CTTNBP2NL: variants seen among roughly 807,000 people sequenced by gnomAD.
CTTNBP2NL encodes the protein CTTNBP2 N-terminal like.
Under a neutral mutation model 32.5 loss-of-function variants are expected in CTTNBP2NL, and 16 were observed. The observed-to-expected ratio is 0.49, with a 90% CI of 0.33 to 0.75. CTTNBP2NL has a LOEUF of 0.75. Ranked by LOEUF, CTTNBP2NL falls within the 30% of genes least tolerant of loss-of-function variation. The probability of loss-of-function intolerance (pLI) is 0.02; values close to 1 mark genes in which losing one functional copy is unlikely to be tolerated. For missense variants in CTTNBP2NL, 645 were observed against 756.0 expected, an observed-to-expected ratio of 0.85 and a Z score of 1.72; for synonymous variants, 298 against 289.4, an observed-to-expected ratio of 1.03 and a Z score of -0.30.
At chr1:112,405,713 T>C (rs1316327523) in intron 1 of CTTNBP2NL, among the ~76,000 whole-genome samples, 2 of 152,208 alleles carry the variant, frequency 1.3e-5, no homozygotes, top group African/African-American at 4.8e-5. Flanking sequence ...CATATAAATC[T>C]TGCTGACATC....
intron 3 of CTTNBP2NL, among the ~76,000 whole-genome samples, chr1:112,422,530 T>C (rs1202969384): frequency 6.6e-6 from 1 of 152,218 alleles, no homozygotes; most frequent in East Asian, 1.9e-4. Flanking sequence ...CTATATCATA[T>C]GATAGATGTG....
chr1:112,410,336 G>A (rs1054328045), intron 1 of CTTNBP2NL, among the ~76,000 whole-genome samples: 13 of 150,250 alleles, frequency 8.7e-5, no homozygotes, highest in Non-Finnish European at 2.9e-5. Flanking sequence ...AGGCTGCGGT[G>A]ATCAAGATCG....
chr1:112,404,919 C>T (rs1648615204), intron 1 of CTTNBP2NL, among the ~76,000 whole-genome samples: 1 of 152,096 alleles, frequency 6.6e-6, no homozygotes, highest in Non-Finnish European at 1.5e-5. Context: ...GGCATGGTGG[C>T]ACAAGCCTGT....
At chr1:112,414,501 G>A (rs1649000305) in intron 2 of CTTNBP2NL, among the ~76,000 whole-genome samples, 1 of 152,184 alleles carries the variant, frequency 6.6e-6, no homozygotes, top group East Asian at 1.9e-4. Context: ...TCACTTAAAA[G>A]CAGTAGCTCT....
intron 1 of CTTNBP2NL, among the ~76,000 whole-genome samples, chr1:112,410,323 C>T (rs112263848): frequency 6.6e-6 from 1 of 150,478 alleles, no homozygotes; most frequent in East Asian, 2.0e-4. Context: ...ACCCGGGAGG[C>T]GAAGGCTGCG....
At chr1:112,442,904 T>C (rs1206992112) in intron 3 of CTTNBP2NL, among the ~76,000 whole-genome samples, 1 of 152,120 alleles carries the variant, frequency 6.6e-6, no homozygotes, top group Non-Finnish European at 1.5e-5. Flanking sequence ...TTGGCCAGGC[T>C]GCTCTCGAAC....
chr1:112,426,447 T>A (rs1193372705), intron 3 of CTTNBP2NL, among the ~76,000 whole-genome samples: 1 of 151,950 alleles, frequency 6.6e-6, no homozygotes, highest in Admixed American at 6.6e-5. Flanking sequence ...ATCCCAGAAC[T>A]TTAGGAGGTC....
In CTTNBP2NL at chr1:112,456,190, C is replaced by T; in HGVS notation, c.698C>T (p.Ala233Val). The T allele has an allele frequency of 1.2e-6, 2 of 1,613,972 alleles. No homozygotes were observed. Among genetic ancestry groups the T allele is most frequent in the Non-Finnish European group, 1.7e-6 (2 of 1,180,010 alleles). Residue 233 changes from alanine (A) to valine (V), a missense_variant, in exon 6 of 6, where the codon GCC becomes GTC. Physicochemically the swap from Ala to Val is moderately conservative, Grantham distance 64 (BLOSUM62 0). Transcript: ENST00000271277. ...AERKRGLQTE[A>V]QVEKQLSEFD... ...AGAAAGAGAGGCTTGCAGACTGAGGCCCAGGTAGAGAAGCAGTTATCAGAG... is the reference window on the plus strand; with the variant it reads ...AGAAAGAGAGGCTTGCAGACTGAGGTCCAGGTAGAGAAGCAGTTATCAGAG...
intron 3 of CTTNBP2NL, among the ~76,000 whole-genome samples, chr1:112,416,724 C>A (rs1175626): frequency 3.7e-4 from 56 of 152,148 alleles, no homozygotes; most frequent in African/African-American, 1.3e-3. Flanking sequence ...ATCTCTTGAC[C>A]TGGTGATCCG....
chr1:112,419,866 T>G (rs1649169986), intron 3 of CTTNBP2NL, among the ~76,000 whole-genome samples: 1 of 152,142 alleles, frequency 6.6e-6, no homozygotes, highest in Non-Finnish European at 1.5e-5. Flanking sequence ...TGATCCCATT[T>G]TAATAGATGG....
At chr1:112,417,608 G>A (rs1649103464) in intron 3 of CTTNBP2NL, among the ~76,000 whole-genome samples, 1 of 152,188 alleles carries the variant, frequency 6.6e-6, no homozygotes, top group South Asian at 2.1e-4. Context: ...AGGCACAAGT[G>A]TTGTATTTAG....
At chr1:112,396,812 C>T (rs539895739) in intron 1 of CTTNBP2NL, among the ~76,000 whole-genome samples, 8 of 152,356 alleles carry the variant, frequency 5.3e-5, no homozygotes, top group Admixed American at 4.6e-4. Context: ...TTAAGTTCTT[C>T]CCATCCCCCA....
At chr1:112,420,148 CT>C (rs34995369) in intron 3 of CTTNBP2NL, among the ~76,000 whole-genome samples, 2,818 of 134,166 alleles carry the variant, frequency 0.021, 82 homozygotes, top group African/African-American at 0.068. Context: ...GTTGGAGTGG[CT>C]TTTTTTTTTT....
chr1:112,435,669 C>T (rs183868531), intron 3 of CTTNBP2NL, among the ~76,000 whole-genome samples: 30 of 152,264 alleles, frequency 2.0e-4, no homozygotes, highest in African/African-American at 6.0e-4. Context: ...TGTGTTCGTT[C>T]TTTATTGGTA....
chr1:112,449,753 T>TGTGTGTGTGTGTGTGTGTGTGTGTGTGTG (rs58369949), intron 4 of CTTNBP2NL, among the ~76,000 whole-genome samples: 28 of 25,432 alleles, frequency 1.1e-3, no homozygotes, highest in African/African-American at 1.3e-3. Context: ...TGTGTGTGTG[T>TGTGTGTGTGTGTGTGTGTGTGTGTGTGTG]TTTCCATATT....
chr1:112,432,682 C>T (rs1178282584), intron 3 of CTTNBP2NL, among the ~76,000 whole-genome samples: 1 of 151,628 alleles, frequency 6.6e-6, no homozygotes, highest in Non-Finnish European at 1.5e-5. Flanking sequence ...TCGCTTAGTG[C>T]CCCAGTTTCT....
At chr1:112,428,089 CCA>C (rs1035672894) in intron 3 of CTTNBP2NL, among the ~76,000 whole-genome samples, 7 of 151,332 alleles carry the variant, frequency 4.6e-5, no homozygotes, top group Admixed American at 2.0e-4. Context: ...ATATATGTAT[CCA>C]CACACACACA....
At chr1:112,419,334 G>A (rs749527930) in intron 3 of CTTNBP2NL, among the ~76,000 whole-genome samples, 2 of 152,078 alleles carry the variant, frequency 1.3e-5, no homozygotes, top group African/African-American at 2.4e-5. Context: ...TGAAAAAATC[G>A]AAATGTTATG....
intron 3 of CTTNBP2NL, among the ~76,000 whole-genome samples, chr1:112,433,637 G>T (rs1052565011): frequency 1.3e-5 from 2 of 152,054 alleles, no homozygotes; most frequent in South Asian, 2.1e-4. Flanking sequence ...TGTATCCTCA[G>T]TTTCTCCTCC....
Sources: gnomAD v4.1 joint callset for allele counts (sites outside exome capture counted in the v4.1 genomes callset) on GRCh38, gnomAD v4.1.1 for gene constraint, MANE v1.5 for transcripts, NCBI Gene and HGNC (gene_info 2026-07-23, HGNC 2026-07-21) for gene names.